The following TRERF1 variants were observed in gnomAD, a reference collection of about 807,000 sequenced individuals.
The protein encoded by TRERF1 is transcriptional-regulating factor 1.
In TRERF1, 27 loss-of-function variants were observed where a neutral mutation model predicts 122.9. The ratio of observed to expected loss-of-function variants is 0.22; its 90% confidence interval spans 0.16 to 0.30. The LOEUF is 0.30. Ranked by LOEUF, TRERF1 falls within the 10% of genes least tolerant of loss-of-function variation. TRERF1 has a pLI of 1.00. For missense variants in TRERF1, 1,248 were observed against 1,560.3 expected (o/e 0.80, Z 3.37); for synonymous variants, 636 against 641.7 (o/e 0.99, Z 0.13).
intron 8 of TRERF1, among the ~76,000 whole-genome samples, chr6:42,261,990 G>T (rs909941583): frequency 6.6e-5 from 10 of 151,966 alleles, no homozygotes; most frequent in African/African-American, 1.2e-4. Flanking sequence ...GGGGTGGGGG[G>T]GGTGTGCCTG....
chr6:42,353,108 C>T (rs993273500), intron 3 of TRERF1, among the ~76,000 whole-genome samples: 1 of 152,176 alleles, frequency 6.6e-6, no homozygotes, highest in Non-Finnish European at 1.5e-5. Context: ...GAGTTCGAGG[C>T]TGCAGTGAGC....
intron 3 of TRERF1, among the ~76,000 whole-genome samples, chr6:42,344,842 T>G (rs1767963541): frequency 6.6e-6 from 1 of 152,212 alleles, no homozygotes; most frequent in Non-Finnish European, 1.5e-5. Flanking sequence ...ACTTATTACC[T>G]TCTAACCTTC....
intron 4 of TRERF1, among the ~76,000 whole-genome samples, chr6:42,296,109 CCCA>C (rs1785068000): frequency 6.6e-6 from 1 of 152,146 alleles, no homozygotes; most frequent in Non-Finnish European, 1.5e-5. Flanking sequence ...CAGCCCCAGC[CCCA>C]CCACGGCACC....
At chr6:42,384,752 T>C (rs1444225502) in intron 2 of TRERF1, among the ~76,000 whole-genome samples, 2 of 152,116 alleles carry the variant, frequency 1.3e-5, no homozygotes, top group East Asian at 3.8e-4. Flanking sequence ...TAAGTACCCA[T>C]ACGCATCAGT....
At chr6:42,329,609 G>A (rs565530675) in intron 3 of TRERF1, among the ~76,000 whole-genome samples, 36 of 152,204 alleles carry the variant, frequency 2.4e-4, no homozygotes, top group African/African-American at 6.3e-4. Context: ...CAGGTCCAGC[G>A]AATATATAGA....
chr6:42,230,659 T>C (rs1433565118), intron 17 of TRERF1, among the ~76,000 whole-genome samples: 1 of 152,140 alleles, frequency 6.6e-6, no homozygotes, highest in Non-Finnish European at 1.5e-5. Flanking sequence ...ATTTCTTCCA[T>C]GGTGCACCAG....
Position 42,416,903 on chromosome 6 carries a change from T to TG in TRERF1, c.-454+34273_-454+34274insC, listed in dbSNP as rs1469928573. Among the ~76,000 whole-genome samples the TG allele has an allele frequency of 3.9e-5, 6 of 152,056 alleles. No individual in the cohort carries two copies. In the South Asian group the frequency reaches 1.0e-3, roughly 26 times the overall value. On this transcript the variant is annotated intron_variant, in intron 2 of 17. Coordinates refer to ENST00000372922, the Ensembl canonical transcript of TRERF1. ...CTAGTGTCTGGGTTTTTTGTGTGTG[T>TG]TTTTTTTAAGAACACATACTTTCAT...
chr6:42,352,201 C>G (rs559647590), intron 3 of TRERF1, among the ~76,000 whole-genome samples: 9 of 152,130 alleles, frequency 5.9e-5, no homozygotes, highest in Non-Finnish European at 1.3e-4. Context: ...TGCCATGTTG[C>G]CCAGGCTGGT....
chr6:42,271,418 T>C (rs1780195742), intron 4 of TRERF1, among the ~76,000 whole-genome samples: 2 of 152,162 alleles, frequency 1.3e-5, no homozygotes, highest in Admixed American at 1.3e-4. Context: ...TATTCTTCCA[T>C]GGATAATGAA....
rs115163046 is a variant in TRERF1, at chr6:42,341,117, C to T, written c.-371+21880G>A. Among the ~76,000 whole-genome samples, 673 of 152,234 alleles carry T rather than the reference C, an allele frequency of 4.4e-3. 2 individuals are homozygous for T. Among genetic ancestry groups the T allele is most frequent in the African/African-American group, 0.015 (640 of 41,526 alleles). On this transcript the variant is annotated intron_variant, in intron 3 of 17. Transcript: ENST00000372922. ...TTCATGACCTCAAATCACTTACCAGCGGAGCAAGGAGTGGAAGAAACAAGA... is the reference window on the plus strand; with the variant it reads ...TTCATGACCTCAAATCACTTACCAGTGGAGCAAGGAGTGGAAGAAACAAGA...
chr6:42,377,022 T>G (rs1775009305), intron 2 of TRERF1, among the ~76,000 whole-genome samples: 1 of 151,476 alleles, frequency 6.6e-6, no homozygotes, highest in Non-Finnish European at 1.5e-5. Context: ...TGAGCCACCA[T>G]GACCGGCTAA....
chr6:42,238,835 T>TCACACACACACACACACA (rs58223539), intron 15 of TRERF1, among the ~76,000 whole-genome samples: 15 of 143,030 alleles, frequency 1.0e-4, no homozygotes, highest in African/African-American at 2.6e-4. Flanking sequence ...ATCATGCATT[T>TCACACACACACACACACA]CACACACACA....
chr6:42,298,602 C>T (rs919742921), intron 4 of TRERF1, among the ~76,000 whole-genome samples: 2 of 147,232 alleles, frequency 1.4e-5, no homozygotes, highest in African/African-American at 2.5e-5. Context: ...GTCAGGAGTT[C>T]GAGACCAGCC....
At chr6:42,338,479 T>G (rs968576610) in intron 3 of TRERF1, among the ~76,000 whole-genome samples, 2 of 152,146 alleles carry the variant, frequency 1.3e-5, no homozygotes, top group Non-Finnish European at 2.9e-5. Context: ...TGCCAGAAAG[T>G]GAGTACTAAA....
chr6:42,328,834 C>T (rs1310172851), intron 3 of TRERF1, among the ~76,000 whole-genome samples: 1 of 152,114 alleles, frequency 6.6e-6, no homozygotes, highest in Non-Finnish European at 1.5e-5. Flanking sequence ...AATGAGGCTC[C>T]AATTCACCCT....
chr6:42,236,599 TAG>T (rs1772274557), intron 15 of TRERF1, among the ~76,000 whole-genome samples, 188 bp from the exon 16 acceptor site: 2 of 152,178 alleles, frequency 1.3e-5, no homozygotes, highest in Non-Finnish European at 2.9e-5. Context: ...TCCGGATGCT[TAG>T]GACTTCGAGG....
intron 4 of TRERF1, among the ~76,000 whole-genome samples, chr6:42,278,781 C>G (rs1293433467): frequency 6.6e-6 from 1 of 152,142 alleles, no homozygotes; most frequent in Non-Finnish European, 1.5e-5. Context: ...CATGTGTCCC[C>G]TAAGGAGGAG....
At chr6:42,427,796 C>T (rs1031092309) in intron 2 of TRERF1, among the ~76,000 whole-genome samples, 39 of 152,098 alleles carry the variant, frequency 2.6e-4, no homozygotes, top group African/African-American at 8.2e-4. Context: ...ATGATCCTCC[C>T]GCCTCAGCCT....
At chr6:42,305,936 G>A (rs1215803343) in intron 3 of TRERF1, among the ~76,000 whole-genome samples, 1 of 150,092 alleles carries the variant, frequency 6.7e-6, no homozygotes, top group Non-Finnish European at 1.5e-5. Flanking sequence ...ATTTTCAAGT[G>A]AGGCCCAGAA....
Sources: gnomAD v4.1 joint callset for allele counts (sites outside exome capture counted in the v4.1 genomes callset) on GRCh38, gnomAD v4.1.1 for gene constraint, MANE v1.5 for transcripts, NCBI Gene and HGNC (gene_info 2026-07-23, HGNC 2026-07-21) for gene names.